PGBD5: variants seen among roughly 807,000 people sequenced by gnomAD.
PGBD5 encodes piggyBac transposable element-derived protein 5.
A neutral mutation model predicts 47.9 loss-of-function variants in PGBD5; 14 were observed. That is an observed-to-expected ratio of 0.29 (90% confidence interval 0.19 to 0.46). The LOEUF (loss-of-function observed/expected upper bound fraction) is 0.46. PGBD5 is among the 20% of genes least tolerant of loss of function. PGBD5 has a pLI of 1.00. For missense variants in PGBD5, 635 were observed against 716.0 expected (o/e 0.89, Z 1.29); for synonymous variants, 316 against 306.3 (o/e 1.03, Z -0.33).
In PGBD5 at chr1:230,314,618, A is replaced by G. The variant is rs1231275731; in HGVS notation, c.*8807T>C. The G allele has an allele frequency of 1.8e-5, 2 of 112,130 alleles. No individual in the cohort carries two copies. Among genetic ancestry groups the G allele is most frequent in the African/African-American group, 6.8e-5 (2 of 29,470 alleles). The allele number at this position is 112,130 out of a possible 1,614,324, so 6.9% of individuals were successfully genotyped here. A position where few individuals can be genotyped will look rare whatever the true frequency, so the allele number is the denominator to read the frequency against. On this transcript the variant is annotated 3_prime_UTR_variant, in exon 7 of 7. Coordinates refer to ENST00000391860, the MANE Select transcript of PGBD5 (RefSeq NM_001258311.2). ...TTTTTTTTTTTTTGCCACATTTCACATTTGAGAACCCAGAATTCAGCTCCT... is the reference window on the plus strand; with the variant it reads ...TTTTTTTTTTTTTGCCACATTTCACGTTTGAGAACCCAGAATTCAGCTCCT...
rs1657755917 is a variant in PGBD5 at position 230,425,508 on chromosome 1, G to A, written c.331+90C>T. The A allele has an allele frequency of 1.0e-6, 1 of 973,140 alleles. No homozygotes were observed. The highest frequency in any genetic ancestry group is 1.3e-6 in the Non-Finnish European group (1 of 759,584). 60.3% of individuals were successfully genotyped at this position (973,140 alleles called of 1,614,324 possible). On this transcript the variant is annotated intron_variant, in intron 1 of 6. Transcript: ENST00000391860. The surrounding 1 kb of genome is among the most constrained non-coding windows in gnomAD (Gnocchi z 4.7). ...AGACACCCACAAGCCAGCCCACGGA[G>A]AGTCTGGACTCGCCCGCCCCAGCAC...
intron 1 of PGBD5, among the ~76,000 whole-genome samples, chr1:230,366,368 G>A (rs1667834062): frequency 6.6e-6 from 1 of 151,442 alleles, no homozygotes; most frequent in African/African-American, 2.4e-5. Flanking sequence ...TCCTGTTCCT[G>A]TTTTTTTTTC....
chr1:230,401,264 T>C (rs1269643095), intron 1 of PGBD5, among the ~76,000 whole-genome samples: 2 of 152,236 alleles, frequency 1.3e-5, no homozygotes, highest in African/African-American at 2.4e-5. Flanking sequence ...CCTCACATGC[T>C]GTGGGGCACA....
At chr1:230,397,788 T>G (rs886356682) in intron 1 of PGBD5, among the ~76,000 whole-genome samples, 5 of 152,158 alleles carry the variant, frequency 3.3e-5, no homozygotes, top group Non-Finnish European at 7.3e-5. Flanking sequence ...GCTTCTGAAT[T>G]GGATGACATC....
At chr1:230,350,053 G>A (rs1558196333) in intron 3 of PGBD5, among the ~76,000 whole-genome samples, 1 of 152,214 alleles carries the variant, frequency 6.6e-6, no homozygotes, top group Non-Finnish European at 1.5e-5. Flanking sequence ...ATCTTCCTAC[G>A]AATCCTGCTG....
rs1214463962 is a variant in PGBD5, at chr1:230,317,258, C to T, written c.*6167G>A. On this transcript the variant is annotated 3_prime_UTR_variant, in exon 7 of 7. Coordinates refer to ENST00000391860, the MANE Select transcript of PGBD5 (RefSeq NM_001258311.2). ...GCACAATGCCTGGCCTGTAGCAGTTCAGAAGCAGCAGTGGCTGAGAACCAG... is the reference window on the plus strand; with the variant it reads ...GCACAATGCCTGGCCTGTAGCAGTTTAGAAGCAGCAGTGGCTGAGAACCAG... The T allele has an allele frequency of 6.6e-6, 1 of 152,354 alleles. No individual in the cohort carries two copies. Among genetic ancestry groups the T allele is most frequent in the Non-Finnish European group, 1.5e-5 (1 of 68,142 alleles). 9.4% of individuals were successfully genotyped at this position (152,354 alleles called of 1,614,324 possible).
chr1:230,406,861 GT>G (rs1378647595), intron 1 of PGBD5, among the ~76,000 whole-genome samples: 2 of 152,172 alleles, frequency 1.3e-5, no homozygotes, highest in East Asian at 3.8e-4. Context: ...TTGAGACAGA[GT>G]TTCACTCTTG....
rs1046449273 is a variant in PGBD5, at chr1:230,357,301, G to A, written c.352C>T (p.Pro118Ser). The change falls in exon 2 of 7, where the codon CCC becomes TCC. Residue 118 changes from proline (P) to serine (S), a missense_variant. Transcript: ENST00000391860. The surrounding 1 kb of genome is among the most constrained non-coding windows in gnomAD (Gnocchi z 5.7). ...DTGGPTRKMP[P>S]SASAVDFFQL... ...AAGAAGTCCACGGCACTGGCGCTGG[G>A]GGGCATCTTTCGGGTGGGACCTGAA... is the stretch of plus-strand genomic sequence containing the variant. The A allele has an allele frequency of 1.9e-6, 3 of 1,613,444 alleles. No individual in the cohort carries two copies. Among genetic ancestry groups the A allele is most frequent in the African/African-American group, 2.7e-5 (2 of 74,898 alleles).
chr1:230,354,973 G>A (rs1453758601), intron 2 of PGBD5, among the ~76,000 whole-genome samples: 2 of 152,212 alleles, frequency 1.3e-5, no homozygotes. Context: ...CAAAAGTAAA[G>A]GGGAAAAAGC....
At chr1:230,363,971 G>A (rs368663209) in intron 1 of PGBD5, among the ~76,000 whole-genome samples, 6 of 152,158 alleles carry the variant, frequency 3.9e-5, no homozygotes, top group Admixed American at 1.3e-4. Context: ...CATTTCTCTC[G>A]CATCCCTTTT....
chr1:230,364,344 C>T (rs1418575820), intron 1 of PGBD5, among the ~76,000 whole-genome samples: 1 of 152,228 alleles, frequency 6.6e-6, no homozygotes, highest in East Asian at 1.9e-4. Flanking sequence ...GACCTACATG[C>T]CTACCAATAT....
intron 1 of PGBD5, among the ~76,000 whole-genome samples, chr1:230,387,553 G>C (rs1043724165): frequency 6.6e-6 from 1 of 152,190 alleles, no homozygotes; most frequent in African/African-American, 2.4e-5. Flanking sequence ...ATCCAGGCCT[G>C]GTGGGAAAAA....
chr1:230,383,131 G>T (rs1195732185), intron 1 of PGBD5, among the ~76,000 whole-genome samples: 1 of 152,148 alleles, frequency 6.6e-6, no homozygotes, highest in Non-Finnish European at 1.5e-5. Context: ...GTGCAGTGGA[G>T]CAACCACGGC....
At chr1:230,326,756 C>T (rs1055651849) in intron 5 of PGBD5, among the ~76,000 whole-genome samples, 2 of 152,264 alleles carry the variant, frequency 1.3e-5, no homozygotes, top group South Asian at 2.1e-4. Flanking sequence ...ATTACATGTG[C>T]GAGCCTCCAC....
intron 3 of PGBD5, among the ~76,000 whole-genome samples, chr1:230,346,890 G>A (rs1322722279): frequency 6.6e-6 from 1 of 152,036 alleles, no homozygotes; most frequent in Non-Finnish European, 1.5e-5. Context: ...TAGTTCTGAG[G>A]GGCCAAGCAT....
intron 1 of PGBD5, among the ~76,000 whole-genome samples, chr1:230,407,753 T>A (rs1352843122): frequency 1.3e-5 from 2 of 152,210 alleles, no homozygotes; most frequent in Non-Finnish European, 2.9e-5. Flanking sequence ...ATTGCTCCAT[T>A]GACACACTCC....
chr1:230,362,181 G>A, intron 1 of PGBD5: 1 of 1,274,358 alleles, frequency 7.8e-7, no homozygotes, highest in Non-Finnish European at 1.0e-6. Flanking sequence ...GGCTCACTCT[G>A]CTGCACGAGA....
chr1:230,339,469 A>C (rs1325144124), intron 3 of PGBD5, among the ~76,000 whole-genome samples: 1 of 152,220 alleles, frequency 6.6e-6, no homozygotes, highest in Admixed American at 6.5e-5. Context: ...AAAAATTAAA[A>C]ATAGAACAAC....
chr1:230,410,475 A>C (rs1249362451), intron 1 of PGBD5, among the ~76,000 whole-genome samples: 1 of 152,226 alleles, frequency 6.6e-6, no homozygotes, highest in African/African-American at 2.4e-5. Context: ...AAAATTAAAA[A>C]TTTAAAGGAT....
Sources: allele counts gnomAD v4.1 joint callset (sites outside exome capture counted in the v4.1 genomes callset), GRCh38; gene constraint gnomAD v4.1.1; non-coding constraint Gnocchi (gnomAD v3.1); transcripts MANE v1.5; gene names NCBI Gene and HGNC (gene_info 2026-07-23, HGNC 2026-07-21).